Variants in ABCA13 observed in about 807,000 individuals in gnomAD.
ABCA13 encodes ATP-binding cassette sub-family A member 13.
A neutral mutation model predicts 478.7 loss-of-function variants in ABCA13; 476 were observed. The ratio of observed to expected loss-of-function variants is 0.99; its 90% confidence interval spans 0.92 to 1.07. The LOEUF (loss-of-function observed/expected upper bound fraction) is 1.07. Ranked by LOEUF, ABCA13 falls within the 50% of genes least tolerant of loss-of-function variation. ABCA13 has a pLI of 0.00. For synonymous variants in ABCA13, 2,252 were observed against 2,158.9 expected, an observed-to-expected ratio of 1.04 and a Z score of -1.20; for missense variants, 6,060 against 5,910.6, an observed-to-expected ratio of 1.03 and a Z score of -0.83.
chr7:48,629,506 A>G (rs1793966012), intron 59 of ABCA13, among the ~76,000 whole-genome samples: 2 of 146,530 alleles, frequency 1.4e-5, no homozygotes, highest in South Asian at 4.4e-4. Context: ...TTATCTTACA[A>G]ATTTTATTTT....
At chr7:48,364,204 A>G (rs1811325488) in intron 31 of ABCA13, among the ~76,000 whole-genome samples, 2 of 152,262 alleles carry the variant, frequency 1.3e-5, no homozygotes, top group South Asian at 4.1e-4. Context: ...TGGATTTCTC[A>G]CATAGCCTCC....
intron 41 of ABCA13, among the ~76,000 whole-genome samples, chr7:48,414,148 G>C (rs746808544): frequency 6.6e-6 from 1 of 152,102 alleles, no homozygotes; most frequent in Admixed American, 6.5e-5. Flanking sequence ...CAAAGGATGC[G>C]GTCACTACAT....
At chr7:48,437,862 CT>C (rs1365885894) in intron 42 of ABCA13, among the ~76,000 whole-genome samples, 2 of 152,126 alleles carry the variant, frequency 1.3e-5, no homozygotes, top group Middle Eastern at 6.8e-3. Context: ...TAAGTGTGTG[CT>C]TTTGCCTCTT....
chr7:48,629,013 G>A (rs1483863269), intron 59 of ABCA13, among the ~76,000 whole-genome samples: 1 of 152,188 alleles, frequency 6.6e-6, no homozygotes, highest in African/African-American at 2.4e-5. Context: ...TCTTTAGACA[G>A]GGTGAAGCCT....
chr7:48,510,764 A>T (rs1831606140), intron 50 of ABCA13, among the ~76,000 whole-genome samples: 1 of 151,976 alleles, frequency 6.6e-6, no homozygotes, highest in African/African-American at 2.4e-5. Flanking sequence ...CTGCATCCTG[A>T]TCTCCTCTAG....
rs757438638 is a variant in ABCA13, at chr7:48,274,513, C to A, written c.4847C>A (p.Pro1616Gln). 6.2e-7 allele frequency: 1 copy of A among 1,613,720 alleles called. No individual in the cohort carries two copies. Among genetic ancestry groups the A allele is most frequent in the Non-Finnish European group, 8.5e-7 (1 of 1,179,810 alleles). The change falls in exon 17 of 62, where the codon CCA becomes CAA. Residue 1616 changes from proline (P) to glutamine (Q), a missense_variant. By Grantham distance (76) the Pro-to-Gln change is moderately conservative. Transcript: ENST00000435803. ...FSLSHDLQNSPKIIISPEIMK... is the reference protein window; with the variant it reads ...FSLSHDLQNSQKIIISPEIMK... ...TTATCTCATGACCTCCAAAATTCAC[C>A]AAAAATAATAATTTCACCTGAAATA...
chr7:48,571,863 A>G (rs1787683597), intron 55 of ABCA13, among the ~76,000 whole-genome samples: 1 of 152,180 alleles, frequency 6.6e-6, no homozygotes, highest in African/African-American at 2.4e-5. Context: ...TTGATATGAA[A>G]GGGAAAACTT....
chr7:48,212,960 CT>C (rs1386068810), intron 3 of ABCA13, among the ~76,000 whole-genome samples: 11 of 151,658 alleles, frequency 7.3e-5, no homozygotes, highest in African/African-American at 2.7e-4. Flanking sequence ...TTGAGTAGTG[CT>C]TTTTGTGTTT....
chr7:48,523,984 A>T (rs779564296), intron 53 of ABCA13, among the ~76,000 whole-genome samples: 3 of 152,120 alleles, frequency 2.0e-5, no homozygotes, highest in Non-Finnish European at 4.4e-5. Flanking sequence ...TTATTCATAA[A>T]ATTAAAAACT....
In ABCA13 at chr7:48,273,547, C is replaced by T. The variant is rs547429975; in HGVS notation, c.3881C>T (p.Thr1294Ile). 21 of 1,582,900 alleles carry T rather than the reference C, an allele frequency of 1.3e-5. No individual in the cohort carries two copies. The African/African-American group carries it at 2.6e-4, about 19-fold the overall frequency. The change falls in exon 17 of 62, where the codon ACC (threonine) becomes ATC (isoleucine). Residue 1294 changes from threonine to isoleucine, a missense_variant. Physicochemically the swap from Thr to Ile is moderately conservative, Grantham distance 89 (BLOSUM62 -1). Coordinates refer to ENST00000435803, the MANE Select transcript of ABCA13 (RefSeq NM_152701.5). ...LLEVFIEFSS[T>I]SEYIVRNLDS... ...GAAGTTTTCATTGAGTTTAGCAGTA[C>T]CTCAGAATATATAGTCAGAAATCTA...
intron 42 of ABCA13, among the ~76,000 whole-genome samples, chr7:48,452,971 A>T (rs188042860): frequency 6.6e-6 from 1 of 152,358 alleles, no homozygotes; most frequent in Non-Finnish European, 1.5e-5. Flanking sequence ...TCATAAAATC[A>T]TCAAGAAGAG....
intron 54 of ABCA13, 25 bp from the exon 55 acceptor site, chr7:48,528,211 T>G (rs1471150578): frequency 1.3e-6 from 2 of 1,514,362 alleles, no homozygotes; most frequent in African/African-American, 2.8e-5. Context: ...TTGAATGTGC[T>G]TTACTTAACT....
At chr7:48,304,081 G>T (rs890641998) in intron 23 of ABCA13, among the ~76,000 whole-genome samples, 1 of 152,046 alleles carries the variant, frequency 6.6e-6, no homozygotes, top group African/African-American at 2.4e-5. Flanking sequence ...TTCTTCAAGG[G>T]CTTACACATA....
chr7:48,212,520 T>C (rs776058376), intron 3 of ABCA13, among the ~76,000 whole-genome samples: 108 of 152,342 alleles, frequency 7.1e-4, no homozygotes, highest in Non-Finnish European at 1.0e-3. Context: ...AGGCTGTTTG[T>C]TCGAAAGTGT....
chr7:48,261,945 A>G (rs1420582432), intron 15 of ABCA13, among the ~76,000 whole-genome samples: 3 of 151,962 alleles, frequency 2.0e-5, no homozygotes, highest in Admixed American at 1.3e-4. Flanking sequence ...CAGTAAGCCA[A>G]TCTCCCATAA....
At chr7:48,627,933 G>A (rs922072162) in intron 59 of ABCA13, among the ~76,000 whole-genome samples, 2 of 152,160 alleles carry the variant, frequency 1.3e-5, no homozygotes, top group African/African-American at 4.8e-5. Flanking sequence ...CTAAAGAATA[G>A]CATTAATCCA....
intron 6 of ABCA13, among the ~76,000 whole-genome samples, chr7:48,228,753 T>A (rs568042780): frequency 6.6e-6 from 1 of 152,344 alleles, no homozygotes; most frequent in South Asian, 2.1e-4. Context: ...ATTTTGATAG[T>A]TAGTTAGCTT....
At chr7:48,641,169 C>G (rs1430143975) in intron 59 of ABCA13, among the ~76,000 whole-genome samples, 5 of 152,120 alleles carry the variant, frequency 3.3e-5, no homozygotes, top group Admixed American at 3.3e-4. Flanking sequence ...GCAAAATATA[C>G]TTAAAGGGCT....
At chr7:48,240,581 G>C (rs924085009) in intron 9 of ABCA13, among the ~76,000 whole-genome samples, 3 of 152,050 alleles carry the variant, frequency 2.0e-5, no homozygotes, top group African/African-American at 7.2e-5. Flanking sequence ...TATTTCATTT[G>C]TTTAGAGGTG....
Sources: gnomAD v4.1 joint callset for allele counts (sites outside exome capture counted in the v4.1 genomes callset) on GRCh38, gnomAD v4.1.1 for gene constraint, MANE v1.5 for transcripts, NCBI Gene and HGNC (gene_info 2026-07-23, HGNC 2026-07-21) for gene names.